The following RYR2 variants were observed in gnomAD, a reference collection of about 807,000 sequenced individuals.
The protein encoded by RYR2 is ryanodine receptor 2.
In RYR2, 227 loss-of-function variants were observed where a neutral mutation model predicts 601.1. That is an observed-to-expected ratio of 0.38 (90% confidence interval 0.34 to 0.42). The LOEUF is 0.42. RYR2 is among the 10% of genes least tolerant of loss of function. RYR2 has a pLI of 1.00. For missense variants in RYR2, 4,646 were observed against 6,156.5 expected (o/e 0.75, Z 8.21); for synonymous variants, 2,223 against 2,175.1 (o/e 1.02, Z -0.61).
chr1:237,641,822 G>A (rs11804756), intron 47 of RYR2, among the ~76,000 whole-genome samples: 17,718 of 152,214 alleles, frequency 0.12, 1,127 homozygotes, highest in East Asian at 0.23. Flanking sequence ...GCTTACAGGC[G>A]TGAGCCAGCG....
At chr1:237,611,092 C>A in intron 36 of RYR2, 104 bp downstream of exon 36, 1 of 882,062 alleles carries the variant, frequency 1.1e-6, no homozygotes, top group Non-Finnish European at 1.7e-6. Flanking sequence ...TCTAAAGAAA[C>A]AAGATGAAAT....
intron 1 of RYR2, among the ~76,000 whole-genome samples, chr1:237,230,658 C>CCTGT (rs1309941603): frequency 1.3e-5 from 2 of 152,092 alleles, no homozygotes; most frequent in Non-Finnish European, 2.9e-5. Flanking sequence ...GCGGCTCACG[C>CCTGT]CTGTAATCCT....
intron 97 of RYR2, among the ~76,000 whole-genome samples, chr1:237,801,484 G>A (rs1659960933): frequency 6.7e-6 from 1 of 149,856 alleles, no homozygotes; most frequent in Admixed American, 6.6e-5. Flanking sequence ...AGAGATTGCA[G>A]TGAGCCAAGA....
chr1:237,770,846 T>A lies in RYR2; in HGVS notation c.11516T>A (p.Leu3839His), dbSNP rs1156629658. 1 of 1,553,430 alleles carries A rather than the reference T, an allele frequency of 6.4e-7. No individual in the cohort carries two copies. Among genetic ancestry groups the A allele is most frequent in the African/African-American group, 1.4e-5 (1 of 73,412 alleles). Reference sequence around the variant, plus strand: ...CAGGACGATGAGTTCACCTGTGACCTCTTCCGATTCCTGCAACTACTCTGT... The same window carrying A: ...CAGGACGATGAGTTCACCTGTGACCACTTCCGATTCCTGCAACTACTCTGT... Reference protein sequence around the residue: ...VLQDDEFTCDLFRFLQLLCEG... With the variant: ...VLQDDEFTCDHFRFLQLLCEG... Residue 3839 changes from leucine to histidine, a missense_variant, in exon 85 of 105, where the codon CTC becomes CAC. By Grantham distance (99) the Leu-to-His change is moderately conservative. Transcript: ENST00000366574.
At chr1:237,502,147 G>T (rs1046710760) in intron 21 of RYR2, among the ~76,000 whole-genome samples, 8 of 152,046 alleles carry the variant, frequency 5.3e-5, no homozygotes, top group Non-Finnish European at 1.0e-4. Context: ...AACAGAGTGA[G>T]ACCTTGACAC....
At chr1:237,735,231 A>G (rs997080595) in intron 79 of RYR2, among the ~76,000 whole-genome samples, 2 of 152,212 alleles carry the variant, frequency 1.3e-5, no homozygotes, top group Non-Finnish European at 2.9e-5. Context: ...GAGTGGGGAC[A>G]TGCTGTAGTG....
chr1:237,663,152 A>G (rs1192934525), intron 56 of RYR2, among the ~76,000 whole-genome samples: 1 of 152,250 alleles, frequency 6.6e-6, no homozygotes, highest in Non-Finnish European at 1.5e-5. Flanking sequence ...ATTTTCACCC[A>G]AAGGTTCTTT....
intron 1 of RYR2, among the ~76,000 whole-genome samples, chr1:237,082,416 C>G (rs1478641433): frequency 6.6e-6 from 1 of 151,214 alleles, no homozygotes; most frequent in Non-Finnish European, 1.5e-5. Context: ...TTGCTATTGT[C>G]GATGCACCTT....
chr1:237,155,021 C>G (rs1675150732), intron 1 of RYR2, among the ~76,000 whole-genome samples: 1 of 152,094 alleles, frequency 6.6e-6, no homozygotes, highest in Non-Finnish European at 1.5e-5. Flanking sequence ...GCTTTCCAAG[C>G]CTCAAGGATC....
chr1:237,106,369 T>TA lies in RYR2; in HGVS notation c.48+63801dup, dbSNP rs548770380. On this transcript the variant is annotated intron_variant, in intron 1 of 104. Coordinates refer to ENST00000366574, the MANE Select transcript of RYR2 (RefSeq NM_001035.3). The surrounding 1 kb of genome is among the most constrained non-coding windows in gnomAD (Gnocchi z 4.4). ...TGGCACCGAGCAGCAGGACCCTGGATATTTTTTTGGACATAGAGCCAGGAG... is the reference window on the plus strand; with the variant it reads ...TGGCACCGAGCAGCAGGACCCTGGATAATTTTTTTGGACATAGAGCCAGGAG... 3.3e-5 allele frequency among the ~76,000 whole-genome samples: 5 copies of TA among 152,038 alleles called. No individual in the cohort carries two copies. The highest frequency in any genetic ancestry group is 7.4e-5 in the Non-Finnish European group (5 of 68,018).
chr1:237,308,362 A>G (rs760124258), intron 2 of RYR2, among the ~76,000 whole-genome samples: 3 of 152,146 alleles, frequency 2.0e-5, no homozygotes, highest in South Asian at 2.1e-4. Flanking sequence ...TACTCTGTCT[A>G]TGAAGTAGCT....
At chr1:237,118,882 A>G (rs1306624680) in intron 1 of RYR2, among the ~76,000 whole-genome samples, 1 of 152,120 alleles carries the variant, frequency 6.6e-6, no homozygotes, top group Non-Finnish European at 1.5e-5. Context: ...AACCGGAACT[A>G]CTTAGTCTTT....
chr1:237,639,268 T>C (rs1681202483), intron 46 of RYR2, 67 bp downstream of exon 46: 1 of 1,362,322 alleles, frequency 7.3e-7, no homozygotes, highest in Admixed American at 2.5e-5. Flanking sequence ...ATAAAATATA[T>C]TCTGCATCCT....
intron 1 of RYR2, among the ~76,000 whole-genome samples, chr1:237,075,183 C>G (rs1297366856): frequency 6.6e-6 from 1 of 150,984 alleles, no homozygotes; most frequent in Non-Finnish European, 1.5e-5. Context: ...GATTTTCTGC[C>G]TTTTTTTTTG....
Position 237,492,824 on chromosome 1 carries a change from A to AAAGGAAGGAAGG in RYR2, c.1828-94_1828-83dup, listed in dbSNP as rs748804324. On this transcript the variant is annotated intron_variant, in intron 18 of 104. Coordinates refer to ENST00000366574, the MANE Select transcript of RYR2 (RefSeq NM_001035.3). ...GGGTGACAGAGTGAGATGCTGTCTG[A>AAAGGAAGGAAGG]AAGGAAGGAAGGAAGGAAGGAAGGA... 2,320 of 775,434 alleles carry AAAGGAAGGAAGG rather than the reference A, an allele frequency of 3.0e-3. 15 individuals carry two copies. The highest frequency in any genetic ancestry group is 9.2e-3 in the African/African-American group (387 of 41,862). The allele number at this position is 775,434 out of a possible 1,614,324, so 48.0% of individuals were successfully genotyped here.
chr1:237,712,091 G>GGCAT (rs765305609), intron 71 of RYR2, among the ~76,000 whole-genome samples: 39 of 152,044 alleles, frequency 2.6e-4, no homozygotes, highest in Non-Finnish European at 4.9e-4. Context: ...GGAAACAGGA[G>GGCAT]GCATGGCATG....
At chr1:237,774,563 G>A (rs975872840) in intron 87 of RYR2, among the ~76,000 whole-genome samples, 1 of 152,014 alleles carries the variant, frequency 6.6e-6, no homozygotes, top group African/African-American at 2.4e-5. Flanking sequence ...TGGGGAAGAG[G>A]AACCTTATTT....
chr1:237,463,968 G>C (rs1659766179), intron 16 of RYR2, among the ~76,000 whole-genome samples: 1 of 152,144 alleles, frequency 6.6e-6, no homozygotes, highest in Admixed American at 6.6e-5. Context: ...GAAAAATTAA[G>C]AAGGCAGAAA....
intron 78 of RYR2, among the ~76,000 whole-genome samples, chr1:237,732,916 C>T (rs1690815136): frequency 6.6e-6 from 1 of 152,168 alleles, no homozygotes; most frequent in Non-Finnish European, 1.5e-5. Flanking sequence ...AAACTCATAT[C>T]CACATGAATC....
Sources: allele counts gnomAD v4.1 joint callset (sites outside exome capture counted in the v4.1 genomes callset), GRCh38; gene constraint gnomAD v4.1.1; non-coding constraint Gnocchi (gnomAD v3.1); transcripts MANE v1.5; gene names NCBI Gene and HGNC (gene_info 2026-07-23, HGNC 2026-07-21).